The following PKD1 variants were observed in gnomAD, a reference collection of about 807,000 sequenced individuals.
The protein encoded by PKD1 is polycystin-1.
Under a neutral mutation model 361.7 loss-of-function variants are expected in PKD1, and 81 were observed. The observed-to-expected ratio is 0.22, with a 90% CI of 0.19 to 0.27. The LOEUF (loss-of-function observed/expected upper bound fraction) is 0.27, where lower values mean the gene tolerates loss of function less well. Among genes scored for constraint, PKD1 ranks in the 10% least tolerant of loss-of-function variants. The pLI is 1.00. For synonymous variants in PKD1, 3,615 were observed against 2,818.3 expected, an observed-to-expected ratio of 1.28 and a Z score of -8.95; for missense variants, 6,399 against 6,118.3, an observed-to-expected ratio of 1.05 and a Z score of -1.53.
chr16:2,120,232 A>C (rs2092699172), intron 1 of PKD1: 1 of 223,024 alleles, frequency 4.5e-6, no homozygotes. Flanking sequence ...AAATACATAC[A>C]TAATTAATAA....
chr16:2,102,883 C>A lies in PKD1; in HGVS notation c.8879G>T (p.Ser2960Ile), dbSNP rs752041947. ...GAGTGACTCTGGGCGGATCCTCCTG[C>A]TAGCCGAGCAGTTGTGCTCATTGGG... ...PRPNEHNCSA[S>I]RRIRPESLQG... The change falls in exon 24 of 46, where the codon AGC becomes ATC. Residue 2960 changes from serine to isoleucine, a missense_variant. By Grantham distance (142) the Ser-to-Ile change is moderately radical (BLOSUM62 -2). Coordinates refer to ENST00000262304, the MANE Select transcript of PKD1 (RefSeq NM_001009944.3). The A allele has an allele frequency of 6.2e-7, 1 of 1,610,078 alleles. No individual in the cohort carries two copies. The highest frequency in any genetic ancestry group is 1.7e-5 in the Admixed American group (1 of 59,986).
chr16:2,115,308 G>A (rs1179609184), intron 10 of PKD1, 70 bp downstream of exon 10: 1 of 1,400,572 alleles, frequency 7.1e-7, no homozygotes, highest in South Asian at 1.3e-5. Context: ...CACAGACCCA[G>A]ACCCTGGGCA....
At position 2,090,956 on chromosome 16, in the gene PKD1, G is replaced by C; in HGVS notation, c.11931C>G (p.Phe3977Leu). The C allele has an allele frequency of 6.4e-7, 1 of 1,554,538 alleles. No individual in the cohort carries two copies. The highest frequency in any genetic ancestry group is 8.6e-7 in the Non-Finnish European group (1 of 1,156,570). Reference sequence around the variant, plus strand: ...CGGAGCTCAGCTGCGCCACCTGGTCGAAGCTAGTGAAGCGGCGCGGGCGGC... The same window carrying C: ...CGGAGCTCAGCTGCGCCACCTGGTCCAAGCTAGTGAAGCGGCGCGGGCGGC... The part of the protein sequence containing the change: ...VRGRPRRFTS[F>L]DQVAQLSSAA... The change falls in exon 43 of 46, where the codon TTC becomes TTG. Residue 3977 changes from phenylalanine (F) to leucine (L), a missense_variant. Transcript: ENST00000262304.
intron 15 of PKD1, 83 bp downstream of exon 15, chr16:2,108,169 C>A: frequency 6.7e-7 from 1 of 1,484,730 alleles, no homozygotes; most frequent in South Asian, 1.2e-5. Flanking sequence ...GACGGGCCAG[C>A]CCTGGTGGCA....
chr16:2,093,365 C>A (rs1267616180), intron 37 of PKD1, 179 bp downstream of exon 37: 1 of 710,256 alleles, frequency 1.4e-6, no homozygotes, highest in Non-Finnish European at 2.3e-6. Context: ...CTGGCAGGGA[C>A]TGGGGCAGCA....
intron 9 of PKD1, 107 bp downstream of exon 9, chr16:2,115,885 C>T: frequency 3.1e-6 from 4 of 1,305,392 alleles, no homozygotes; most frequent in Non-Finnish European, 2.2e-6. Context: ...CCACCTAAGA[C>T]TGGGAACCAC....
In PKD1 at chr16:2,099,272, G is replaced by A. The variant is rs2091985825; in HGVS notation, c.10050+372C>T. The A allele has an allele frequency of 8.3e-6, 3 of 360,198 alleles. No homozygotes were observed. In the Admixed American group the frequency reaches 1.1e-4, roughly 14 times the overall value. The allele number at this position is 360,198 out of a possible 1,614,324, so 22.3% of individuals were successfully genotyped here. A position where few individuals can be genotyped will look rare whatever the true frequency, so the allele number is the denominator to read the frequency against. On this transcript the variant is annotated intron_variant, in intron 30 of 45. Coordinates refer to ENST00000262304, the MANE Select transcript of PKD1 (RefSeq NM_001009944.3). ...CCACCACACCCGGCCCGGCCACTGG[G>A]ACGTTTCTAAGGGACTAACTCAGCC... is the stretch of plus-strand genomic sequence containing the variant.
rs373060372 is a variant in PKD1, at chr16:2,109,987, G to C, written c.5180C>G (p.Pro1727Arg). Residue 1727 changes from proline to arginine, a missense_variant, in exon 15 of 46, where the codon CCG becomes CGG. Coordinates refer to ENST00000262304, the MANE Select transcript of PKD1 (RefSeq NM_001009944.3). ...PVGWLMVAAS[P>R]NPAAVNTSVT... ...GCTTGTGTTGACGGCAGCTGGGTTC[G>C]GGGAGGCGGCCACCATCAGCCACCC... The C allele has an allele frequency of 6.2e-7, 1 of 1,609,788 alleles. No individual in the cohort carries two copies. Among genetic ancestry groups the C allele is most frequent in the Non-Finnish European group, 8.5e-7 (1 of 1,179,320 alleles).
intron 38 of PKD1, 69 bp from the exon 39 acceptor site, chr16:2,092,661 G>A: frequency 9.0e-7 from 1 of 1,116,930 alleles, no homozygotes; most frequent in Non-Finnish European, 1.3e-6. Context: ...GCGGCCACCA[G>A]AGACCCAGGG....
chr16:2,101,932 C>G lies in PKD1; in HGVS notation c.9397+129G>C, dbSNP rs983535219. On this transcript the variant is annotated intron_variant, in intron 26 of 45. Coordinates refer to ENST00000262304, the MANE Select transcript of PKD1 (RefSeq NM_001009944.3). ...CGAGGTCATTCCCAGGATGAACACACGAGCCCTTCACACAGCACTGCAAAA... is the reference window on the plus strand; with the variant it reads ...CGAGGTCATTCCCAGGATGAACACAGGAGCCCTTCACACAGCACTGCAAAA... 6.3e-5 allele frequency: 43 copies of G among 686,042 alleles called. No individual in the cohort carries two copies. In the Admixed American group the frequency reaches 7.1e-4, roughly 11 times the overall value. 42.5% of individuals were successfully genotyped at this position (686,042 alleles called of 1,614,324 possible).
At position 2,109,440 on chromosome 16, in the gene PKD1, G is replaced by C; in HGVS notation, c.5727C>G (p.Ile1909Met). 1.2e-6 allele frequency: 2 copies of C among 1,605,990 alleles called. No homozygotes were observed. The highest frequency in any genetic ancestry group is 1.7e-6 in the Non-Finnish European group (2 of 1,179,472). Residue 1909 changes from isoleucine (I) to methionine (M), a missense_variant, in exon 15 of 46, where the codon ATC becomes ATG. By Grantham distance (10) the Ile-to-Met change is conservative. Transcript: ENST00000262304. Reference sequence around the variant, plus strand: ...TGACAGCTGAGCCGGCAGCCAGCAGGATCTGAAAATGGACCAGCTGCCCGG... The same window carrying C: ...TGACAGCTGAGCCGGCAGCCAGCAGCATCTGAAAATGGACCAGCTGCCCGG... ...VAPGQLVHFQ[I>M]LLAAGSAVTF...
In PKD1 at chr16:2,092,111, C is replaced by T. The variant is rs200120839; in HGVS notation, c.11347G>A (p.Val3783Ile). ...CCATTGTGAGGACTCTCCCAGCCAA[C>T]GTCGTAATCGCTGGTGCTGAAGCCT... ...AGGFSTSDYD[V>I]GWESPHNGSG... Residue 3783 changes from valine to isoleucine, a missense_variant, in exon 40 of 46, where the codon GTT becomes ATT. By Grantham distance (29) the Val-to-Ile change is conservative. Coordinates refer to ENST00000262304, the MANE Select transcript of PKD1 (RefSeq NM_001009944.3). 13 of 1,612,906 alleles carry T rather than the reference C, an allele frequency of 8.1e-6. No homozygotes were observed. In the East Asian group the frequency reaches 1.1e-4, roughly 14 times the overall value.
rs778055216 is a variant in PKD1, at chr16:2,102,413, C to G, written c.9169G>C (p.Val3057Leu). Reference protein sequence around the residue: ...HLTAFGASLFVPPSHVRFVFP... With the variant: ...HLTAFGASLFLPPSHVRFVFP... ...ACAAAGCGGACATGGCTTGGGGGCA[C>G]GAAGAGGCTGGCGCCGAAGGCGGTG... Residue 3057 changes from valine (V) to leucine (L), a missense_variant, in exon 25 of 46, where the codon GTG becomes CTG. Coordinates refer to ENST00000262304, the MANE Select transcript of PKD1 (RefSeq NM_001009944.3). 1.3e-6 allele frequency: 2 copies of G among 1,556,256 alleles called. No homozygotes were observed. The highest frequency in any genetic ancestry group is 1.7e-6 in the Non-Finnish European group (2 of 1,151,190).
rs769617175 is a variant in PKD1 at position 2,091,188 on chromosome 16, G to A, written c.11713-14C>T. ...CAGCAGGCACACCTGTGGGGGGCGCGGTCAGGAGGGCGGGAGGGACGCTGC... is the reference window on the plus strand; with the variant it reads ...CAGCAGGCACACCTGTGGGGGGCGCAGTCAGGAGGGCGGGAGGGACGCTGC... On this transcript the variant is annotated splice_polypyrimidine_tract_variant and intron_variant, in intron 42 of 45. Coordinates refer to ENST00000262304, the MANE Select transcript of PKD1 (RefSeq NM_001009944.3). 7.2e-6 allele frequency: 10 copies of A among 1,391,896 alleles called. No individual in the cohort carries two copies. Among genetic ancestry groups the A allele is most frequent in the African/African-American group, 1.5e-5 (1 of 65,200 alleles). The allele number at this position is 1,391,896 out of a possible 1,614,324, so 86.2% of individuals were successfully genotyped here. A position where few individuals can be genotyped will look rare whatever the true frequency, so the allele number is the denominator to read the frequency against.
intron 1 of PKD1, among the ~76,000 whole-genome samples, chr16:2,126,907 G>A (rs901084704): frequency 1.3e-5 from 2 of 152,136 alleles, no homozygotes; most frequent in African/African-American, 2.4e-5. Context: ...GCTTGCAGAT[G>A]CGGGACCCAC....
chr16:2,111,261 G>A lies in PKD1; in HGVS notation c.3906C>T (p.Ala1302=), dbSNP rs547817931. 1.3e-4 allele frequency: 204 copies of A among 1,610,064 alleles called. 2 individuals are homozygous for A. The South Asian group carries it at 2.0e-3, about 16-fold the overall frequency. The part of the protein sequence containing the change: ...FVLEVLRVEP[A]ACIPTQPDAR... Reference sequence around the variant, plus strand: ...CGTCAGGCTGCGTGGGGATGCAGGCGGCGGGTTCAACGCGCAGCACCTCCA... The same window carrying A: ...CGTCAGGCTGCGTGGGGATGCAGGCAGCGGGTTCAACGCGCAGCACCTCCA... The change falls in exon 15 of 46, where the codon GCC becomes GCT. Residue 1302 remains alanine (A), a synonymous_variant. Coordinates refer to ENST00000262304, the MANE Select transcript of PKD1 (RefSeq NM_001009944.3).
chr16:2,097,390 C>T lies in PKD1; in HGVS notation c.10334G>A (p.Gly3445Glu), dbSNP rs773100218. ...RQLARGQAGH[G>E]LGPEEDGFSL... ...GAAGCCGTCCTCCTCTGGGCCCAGCCCATGGCCCGCCTGGCCCCGTGCCAG... is the reference window on the plus strand; with the variant it reads ...GAAGCCGTCCTCCTCTGGGCCCAGCTCATGGCCCGCCTGGCCCCGTGCCAG... Residue 3445 changes from glycine to glutamate, a missense_variant, in exon 33 of 46, where the codon GGG becomes GAG. Physicochemically the swap from Gly to Glu is moderately conservative, Grantham distance 98 (BLOSUM62 -2). Transcript: ENST00000262304. 1 of 1,611,050 alleles carries T rather than the reference C, an allele frequency of 6.2e-7. No homozygotes were observed. Among genetic ancestry groups the T allele is most frequent in the African/African-American group, 1.3e-5 (1 of 75,062 alleles).
At position 2,112,914 on chromosome 16, in the gene PKD1, G is replaced by A. The variant is rs1405303182; in HGVS notation, c.3035C>T (p.Thr1012Ile). The change falls in exon 13 of 46, where the codon ACC (threonine) becomes ATC (isoleucine). Residue 1012 changes from threonine (T) to isoleucine (I), a missense_variant. Thr to Ile is a moderately conservative substitution (Grantham distance 89). Coordinates refer to ENST00000262304, the MANE Select transcript of PKD1 (RefSeq NM_001009944.3). ...VSNVTVNYNV[T>I]VERMNRMQGL... is the part of the protein sequence containing the mutation. ...CTGCATCCTGTTCATCCGCTCCACG[G>A]TTACGTTGTAGTTCACGGTGACGTT... 14 of 1,605,952 alleles carry A rather than the reference G, an allele frequency of 8.7e-6. No homozygotes were observed. Among genetic ancestry groups the A allele is most frequent in the Non-Finnish European group, 1.2e-5 (14 of 1,179,772 alleles).
chr16:2,094,646 G>A, intron 34 of PKD1: 3 of 248,824 alleles, frequency 1.2e-5, no homozygotes, highest in Non-Finnish European at 2.4e-5. Flanking sequence ...TCTGGACAAG[G>A]AAACATATGA....
Sources: allele counts gnomAD v4.1 joint callset (sites outside exome capture counted in the v4.1 genomes callset), GRCh38; gene constraint gnomAD v4.1.1; transcripts MANE v1.5; gene names NCBI Gene and HGNC (gene_info 2026-07-23, HGNC 2026-07-21).